ATXN1: variants seen among roughly 807,000 people sequenced by gnomAD.
The protein encoded by ATXN1 is ataxin-1.
A neutral mutation model predicts 56.4 loss-of-function variants in ATXN1; 8 were observed. That is an observed-to-expected ratio of 0.14 (90% confidence interval 0.08 to 0.26). The LOEUF is 0.26. ATXN1 is among the 10% of genes least tolerant of loss of function. The pLI is 1.00. For synonymous variants in ATXN1, 514 were observed against 494.6 expected, an observed-to-expected ratio of 1.04 and a Z score of -0.52; for missense variants, 987 against 1,106.5, an observed-to-expected ratio of 0.89 and a Z score of 1.53.
At chr6:16,459,735 C>T (rs910423142) in intron 6 of ATXN1, among the ~76,000 whole-genome samples, 1 of 152,158 alleles carries the variant, frequency 6.6e-6, no homozygotes, top group African/African-American at 2.4e-5. Context: ...TAGGGATAGC[C>T]CTCATCTGTT....
intron 2 of ATXN1, among the ~76,000 whole-genome samples, chr6:16,733,957 G>A (rs1215124871): frequency 6.6e-6 from 1 of 152,008 alleles, no homozygotes; most frequent in African/African-American, 2.4e-5. Flanking sequence ...AAACCAGCCT[G>A]GCCAACATGG....
intron 6 of ATXN1, among the ~76,000 whole-genome samples, chr6:16,444,394 A>G (rs2113603313): frequency 6.6e-6 from 1 of 152,360 alleles, no homozygotes; most frequent in Admixed American, 6.5e-5. Context: ...TATCAAAGAC[A>G]GCCAGTATTG....
intron 2 of ATXN1, among the ~76,000 whole-genome samples, chr6:16,746,024 A>G (rs1181764688): frequency 6.6e-6 from 1 of 151,522 alleles, no homozygotes; most frequent in Admixed American, 6.6e-5. Flanking sequence ...CTAGAGAGTG[A>G]GTGCACATTT....
intron 3 of ATXN1, among the ~76,000 whole-genome samples, chr6:16,657,231 C>T (rs189290795): frequency 2.6e-5 from 4 of 152,228 alleles, no homozygotes; most frequent in Admixed American, 6.5e-5. Flanking sequence ...TCGTGATCCG[C>T]GCGCCTCGGC....
chr6:16,354,326 C>T (rs924026872), intron 6 of ATXN1, among the ~76,000 whole-genome samples: 3 of 152,046 alleles, frequency 2.0e-5, no homozygotes, highest in South Asian at 2.1e-4. Context: ...GGTGCAATCT[C>T]GGCTCACTGC....
At chr6:16,495,256 C>T (rs1760756421) in intron 5 of ATXN1, among the ~76,000 whole-genome samples, 1 of 152,156 alleles carries the variant, frequency 6.6e-6, no homozygotes, top group South Asian at 2.1e-4. Context: ...AAAGAAATAG[C>T]TAAATATTTT....
At chr6:16,606,888 T>TGTGTGTGTGTGTG (rs145108851) in intron 3 of ATXN1, among the ~76,000 whole-genome samples, 39 of 147,018 alleles carry the variant, frequency 2.7e-4, no homozygotes, top group East Asian at 8.2e-4. Flanking sequence ...TGTGTGTGTG[T>TGTGTGTGTGTGTG]TGTTTGTTTG....
At chr6:16,726,951 C>A (rs999768096) in intron 2 of ATXN1, among the ~76,000 whole-genome samples, 1 of 152,182 alleles carries the variant, frequency 6.6e-6, no homozygotes, top group Non-Finnish European at 1.5e-5. Flanking sequence ...AGACACTGAA[C>A]ATACTACTTT....
chr6:16,572,648 G>A (rs1350448723), intron 4 of ATXN1, among the ~76,000 whole-genome samples: 1 of 152,150 alleles, frequency 6.6e-6, no homozygotes, highest in African/African-American at 2.4e-5. Flanking sequence ...CCAACACAGA[G>A]TGAGACACAA....
At position 16,300,541 on chromosome 6, in the gene ATXN1, G is replaced by A. The variant is rs546329921; in HGVS notation, c.*5788C>T. On this transcript the variant is annotated 3_prime_UTR_variant, in exon 8 of 8. Coordinates refer to ENST00000436367, the MANE Select transcript of ATXN1 (RefSeq NM_001128164.2). ...GAATACTATTCTGAGAAGATGCTCCGTATTTATTCTGGCCTCTTTATATTA... is the reference window on the plus strand; with the variant it reads ...GAATACTATTCTGAGAAGATGCTCCATATTTATTCTGGCCTCTTTATATTA... 2 of 152,200 alleles carry A rather than the reference G, an allele frequency of 1.3e-5. No individual in the cohort carries two copies. Among genetic ancestry groups the A allele is most frequent in the South Asian group, 2.1e-4 (1 of 4,816 alleles). 9.4% of individuals were successfully genotyped at this position (152,200 alleles called of 1,614,324 possible). A position where few individuals can be genotyped will look rare whatever the true frequency, so the allele number is the denominator to read the frequency against.
At chr6:16,389,343 AAAAGAAAAAAAAAAAAGG>A (rs1465795318) in intron 6 of ATXN1, among the ~76,000 whole-genome samples, 1 of 148,882 alleles carries the variant, frequency 6.7e-6, no homozygotes, top group Non-Finnish European at 1.5e-5. Flanking sequence ...TCTCCAAAAA[AAAAGAAAAAAAAAAAAGG>A]AAAGAAAAAG....
chr6:16,543,565 C>T (rs1364083738), intron 4 of ATXN1, among the ~76,000 whole-genome samples: 2 of 143,572 alleles, frequency 1.4e-5, no homozygotes, highest in African/African-American at 5.3e-5. Context: ...CCAGGGGATA[C>T]GTGACCAATT....
chr6:16,709,942 G>A (rs779719624), intron 2 of ATXN1, among the ~76,000 whole-genome samples: 4 of 151,952 alleles, frequency 2.6e-5, no homozygotes, highest in African/African-American at 4.8e-5. Context: ...CACATAAAGC[G>A]GAAAACCATA....
At chr6:16,660,790 T>C (rs956630342) in intron 2 of ATXN1, among the ~76,000 whole-genome samples, 1 of 150,976 alleles carries the variant, frequency 6.6e-6, no homozygotes, top group Non-Finnish European at 1.5e-5. Flanking sequence ...AGGTTCTCAG[T>C]AGAATATCAA....
chr6:16,712,337 A>G (rs1202136597), intron 2 of ATXN1, among the ~76,000 whole-genome samples: 2 of 152,210 alleles, frequency 1.3e-5, no homozygotes, highest in East Asian at 1.9e-4. Flanking sequence ...GATAACCCCT[A>G]TTCCGTACAA....
chr6:16,526,064 T>TATATATATATACACAC (rs370698828), intron 4 of ATXN1, among the ~76,000 whole-genome samples: 39 of 133,312 alleles, frequency 2.9e-4, no homozygotes, highest in Non-Finnish European at 3.7e-4. Flanking sequence ...TATATATATA[T>TATATATATATACACAC]ACATACATAC....
At chr6:16,716,741 A>G (rs1478492905) in intron 2 of ATXN1, among the ~76,000 whole-genome samples, 2 of 152,222 alleles carry the variant, frequency 1.3e-5, no homozygotes, top group Admixed American at 1.3e-4. Flanking sequence ...AAAAACTGCT[A>G]TAGACATTAG....
At chr6:16,632,953 C>T (rs990812807) in intron 3 of ATXN1, among the ~76,000 whole-genome samples, 8 of 149,718 alleles carry the variant, frequency 5.3e-5, no homozygotes, top group East Asian at 1.9e-4. Flanking sequence ...GCCAAGATCA[C>T]GTCATTGCTC....
At chr6:16,359,791 G>T (rs959775974) in intron 6 of ATXN1, among the ~76,000 whole-genome samples, 2 of 152,162 alleles carry the variant, frequency 1.3e-5, no homozygotes, top group Non-Finnish European at 2.9e-5. Flanking sequence ...GGCCACAGAA[G>T]TTTCCCATCA....
Sources: gnomAD v4.1 joint callset for allele counts (sites outside exome capture counted in the v4.1 genomes callset) on GRCh38, gnomAD v4.1.1 for gene constraint, MANE v1.5 for transcripts, NCBI Gene and HGNC (gene_info 2026-07-23, HGNC 2026-07-21) for gene names.